The following WDFY3 variants were observed in gnomAD, a reference collection of about 807,000 sequenced individuals.
WDFY3 encodes the protein WD repeat and FYVE domain-containing protein 3.
In WDFY3, 66 loss-of-function variants were observed where a neutral mutation model predicts 409.6. That is an observed-to-expected ratio of 0.16 (90% CI 0.13 to 0.20). The LOEUF is 0.20. Among genes scored for constraint, WDFY3 ranks in the 10% least tolerant of loss-of-function variants. WDFY3 has a pLI of 1.00. For missense variants in WDFY3, 3,031 were observed against 4,298.1 expected, an observed-to-expected ratio of 0.71 and a Z score of 8.24; for synonymous variants, 1,521 against 1,537.1, an observed-to-expected ratio of 0.99 and a Z score of 0.25.
chr4:84,674,257 G>A (rs1023538415), intron 67 of WDFY3, among the ~76,000 whole-genome samples: 1 of 152,148 alleles, frequency 6.6e-6, no homozygotes, highest in African/African-American at 2.4e-5. Context: ...GCATACATAC[G>A]GGAGTGCTAG....
At chr4:84,749,839 T>G (rs1740190623) in intron 36 of WDFY3, among the ~76,000 whole-genome samples, 1 of 152,170 alleles carries the variant, frequency 6.6e-6, no homozygotes, top group South Asian at 2.1e-4. Flanking sequence ...GAAGCACTAT[T>G]CTACCGTAGG....
intron 2 of WDFY3, among the ~76,000 whole-genome samples, chr4:84,906,562 C>G (rs1767069224): frequency 6.6e-6 from 1 of 152,088 alleles, no homozygotes; most frequent in Non-Finnish European, 1.5e-5. Context: ...GAAATTGGCT[C>G]CAGGACCCCC....
chr4:84,769,581 AT>A (rs901949936), intron 30 of WDFY3, among the ~76,000 whole-genome samples: 2 of 151,284 alleles, frequency 1.3e-5, no homozygotes, highest in Non-Finnish European at 1.5e-5. Context: ...TGCCCGGCTA[AT>A]TTTTTTTGTG....
At chr4:84,860,103 C>G (rs938918066) in intron 4 of WDFY3, among the ~76,000 whole-genome samples, 1 of 152,146 alleles carries the variant, frequency 6.6e-6, no homozygotes, top group Admixed American at 6.5e-5. Flanking sequence ...AGAAATAACA[C>G]AATTGATAAT....
chr4:84,799,687 T>TA (rs1052606681), intron 17 of WDFY3, among the ~76,000 whole-genome samples: 39 of 148,126 alleles, frequency 2.6e-4, no homozygotes, highest in African/African-American at 5.9e-4. Context: ...AACATCATGT[T>TA]AAAAAAAAAA....
Position 84,683,954 on chromosome 4 carries a change from CATCT to C in WDFY3, c.9711_9714del (p.Asp3238GlufsTer25), listed in dbSNP as rs2148797710. ...CTCAGTTCACTTACCCGAACCACTC[CATCT>C]GAGTGTCCTGTCACTATGACGTTCT... On this transcript the variant is annotated frameshift_variant, in exon 63 of 68. Transcript: ENST00000295888. LOFTEE classifies it high-confidence loss of function. 2 of 1,594,928 alleles carry C rather than the reference CATCT, an allele frequency of 1.3e-6. No individual in the cohort carries two copies. The highest frequency in any genetic ancestry group is 1.7e-6 in the Non-Finnish European group (2 of 1,165,056).
At chr4:84,738,949 G>A (rs147871212) in intron 40 of WDFY3, 61 bp downstream of exon 40, 3 of 1,567,954 alleles carry the variant, frequency 1.9e-6, no homozygotes, top group East Asian at 4.5e-5. Flanking sequence ...TGTTGGTTAT[G>A]TCTTAAAAAC....
At chr4:84,848,432 C>A (rs1758416330) in intron 5 of WDFY3, among the ~76,000 whole-genome samples, 1 of 152,144 alleles carries the variant, frequency 6.6e-6, no homozygotes. Flanking sequence ...ATAATGCAAG[C>A]AGCAAGATTT....
rs754643352 is a variant in WDFY3 at position 84,833,688 on chromosome 4, A to AAAGAAAAGAAAAGAGAAGAG, written c.577-2084_577-2083insCTCTTCTCTTTTCTTTTCTT. 1.1e-3 allele frequency among the ~76,000 whole-genome samples: 165 copies of AAAGAAAAGAAAAGAGAAGAG among 149,604 alleles called. 1 individual carries two copies. Among genetic ancestry groups the AAAGAAAAGAAAAGAGAAGAG allele is most frequent in the African/African-American group, 1.7e-3 (69 of 40,252 alleles). On this transcript the variant is annotated intron_variant, in intron 7 of 67. Transcript: ENST00000295888. ...AAAGAAAAGAAAAGAAAAGAAAAGA[A>AAAGAAAAGAAAAGAGAAGAG]AAGAGAAGAGAAGAGAAGAGAACAG...
intron 53 of WDFY3, among the ~76,000 whole-genome samples, chr4:84,708,612 C>CTCACTG (rs1732386841): frequency 6.6e-6 from 1 of 151,654 alleles, no homozygotes; most frequent in African/African-American, 2.4e-5. Context: ...GCAATCTTGG[C>CTCACTG]TCACTGGAGC....
At chr4:84,873,064 G>C (rs1762334398) in intron 3 of WDFY3, among the ~76,000 whole-genome samples, 1 of 152,132 alleles carries the variant, frequency 6.6e-6, no homozygotes, top group Non-Finnish European at 1.5e-5. Context: ...GGGAGAAAGA[G>C]ACAAATTGAT....
intron 62 of WDFY3, among the ~76,000 whole-genome samples, chr4:84,685,986 T>C (rs1312049488): frequency 6.6e-6 from 1 of 152,238 alleles, no homozygotes; most frequent in Non-Finnish European, 1.5e-5. Context: ...AAAGCTCTTT[T>C]GGTTCAAATG....
rs969761896 is a variant in WDFY3 at position 84,834,164 on chromosome 4, T to C, written c.577-2559A>G. Among the ~76,000 whole-genome samples the C allele has an allele frequency of 7.9e-5, 12 of 152,300 alleles. No homozygotes were observed. In the South Asian group the frequency reaches 1.0e-3, roughly 13 times the overall value. ...AATGCCAGTTTTCCAATTTGGTACA[T>C]AGAAAACAAACCCACAAATAATAAA... On this transcript the variant is annotated intron_variant, in intron 7 of 67. Transcript: ENST00000295888.
chr4:84,687,967 T>G (rs915345279), intron 62 of WDFY3, 119 bp downstream of exon 62: 1 of 1,080,256 alleles, frequency 9.3e-7, no homozygotes, highest in Non-Finnish European at 1.4e-6. Flanking sequence ...CTAATCCTCC[T>G]GCGGTAGCCT....
chr4:84,952,136 T>C (rs1773691676), intron 1 of WDFY3, among the ~76,000 whole-genome samples: 1 of 152,128 alleles, frequency 6.6e-6, no homozygotes, highest in Non-Finnish European at 1.5e-5. Flanking sequence ...GTAGTGGCCT[T>C]AATGCATTTT....
rs1757550795 is a variant in WDFY3 at position 84,842,741 on chromosome 4, A to G, written c.305-1478T>C. ...GGGTGCAGTGAGCGGAGATCACACC[A>G]CTGCACTCCAGCCTAGGCAACAGAG... On this transcript the variant is annotated intron_variant, in intron 5 of 67. Transcript: ENST00000295888. Among the ~76,000 whole-genome samples the G allele has an allele frequency of 3.3e-5, 5 of 152,222 alleles. No individual in the cohort carries two copies. The South Asian group carries it at 1.0e-3, about 31-fold the overall frequency.
At chr4:84,834,266 C>T (rs1756225373) in intron 7 of WDFY3, among the ~76,000 whole-genome samples, 1 of 152,212 alleles carries the variant, frequency 6.6e-6, no homozygotes, top group Non-Finnish European at 1.5e-5. Context: ...TATAAGATAA[C>T]TGGTTCATCT....
At chr4:84,732,280 T>C (rs1442484825) in intron 44 of WDFY3, among the ~76,000 whole-genome samples, 1 of 152,190 alleles carries the variant, frequency 6.6e-6, no homozygotes, top group Non-Finnish European at 1.5e-5. Context: ...AATTGACAAA[T>C]TGTAATTGTT....
chr4:84,829,262 T>C, intron 8 of WDFY3, 72 bp from the exon 9 acceptor site: 9 of 1,219,596 alleles, frequency 7.4e-6, no homozygotes, highest in Non-Finnish European at 1.0e-5. Flanking sequence ...AATTGTTAAC[T>C]GTTGTTTAAT....
Sources: gnomAD v4.1 joint callset for allele counts (sites outside exome capture counted in the v4.1 genomes callset) on GRCh38, gnomAD v4.1.1 for gene constraint, MANE v1.5 for transcripts, NCBI Gene and HGNC (gene_info 2026-07-23, HGNC 2026-07-21) for gene names.